TMEM150C: variants seen among roughly 807,000 people sequenced by gnomAD.
The protein encoded by TMEM150C is transmembrane protein 150C.
Under a neutral mutation model 29.9 loss-of-function variants are expected in TMEM150C, and 10 were observed. That is an observed-to-expected ratio of 0.33 (90% confidence interval 0.21 to 0.57). The LOEUF (loss-of-function observed/expected upper bound fraction) is 0.57, where lower values mean the gene tolerates loss of function less well. Among genes scored for constraint, TMEM150C ranks in the 20% least tolerant of loss-of-function variants. The probability of loss-of-function intolerance (pLI) is 0.88; values close to 1 mark genes in which losing one functional copy is unlikely to be tolerated. For synonymous variants in TMEM150C, 101 were observed against 112.5 expected (o/e 0.90, Z 0.64); for missense variants, 251 against 303.6 (o/e 0.83, Z 1.29).
chr4:82,546,672 C>T (rs1371945464), intron 1 of TMEM150C, among the ~76,000 whole-genome samples: 2 of 151,854 alleles, frequency 1.3e-5, no homozygotes, highest in Admixed American at 6.6e-5. Flanking sequence ...ACTAAAAATA[C>T]AAAAAATTAG....
chr4:82,555,507 A>C (rs747176476), intron 1 of TMEM150C, among the ~76,000 whole-genome samples: 1 of 152,218 alleles, frequency 6.6e-6, no homozygotes, highest in African/African-American at 2.4e-5. Context: ...GGCAGCAGTG[A>C]GGTCTCTTCC....
chr4:82,542,633 T>C (rs1195886522), intron 1 of TMEM150C, among the ~76,000 whole-genome samples: 1 of 152,204 alleles, frequency 6.6e-6, no homozygotes, highest in Non-Finnish European at 1.5e-5. Flanking sequence ...TTTAACATTG[T>C]CTTAAAAATT....
intron 1 of TMEM150C, among the ~76,000 whole-genome samples, chr4:82,529,254 C>T (rs1281060659): frequency 1.4e-5 from 2 of 148,076 alleles, no homozygotes; most frequent in African/African-American, 2.5e-5. Context: ...TCCCTCCCTC[C>T]CTCCCTCTCT....
intron 1 of TMEM150C, among the ~76,000 whole-genome samples, chr4:82,531,882 G>A (rs1157206738): frequency 6.6e-6 from 1 of 152,052 alleles, no homozygotes; most frequent in African/African-American, 2.4e-5. Flanking sequence ...TGTCCTTAGA[G>A]TTCAACCAGG....
intron 1 of TMEM150C, among the ~76,000 whole-genome samples, chr4:82,558,712 A>T (rs1725819392): frequency 6.6e-6 from 1 of 152,256 alleles, no homozygotes; most frequent in African/African-American, 2.4e-5. Flanking sequence ...AAGTTTTAAA[A>T]TACTTAGAAC....
chr4:82,545,509 C>T (rs1273375307), intron 1 of TMEM150C, among the ~76,000 whole-genome samples: 1 of 152,208 alleles, frequency 6.6e-6, no homozygotes, highest in African/African-American at 2.4e-5. Flanking sequence ...ACTCTTACCA[C>T]TCCTATTTGA....
intron 1 of TMEM150C, among the ~76,000 whole-genome samples, chr4:82,530,630 A>C (rs116545055): frequency 6.6e-6 from 1 of 152,174 alleles, no homozygotes; most frequent in African/African-American, 2.4e-5. Flanking sequence ...GGAATTCCTA[A>C]GTTTGTCTCC....
chr4:82,504,466 G>A (rs1448301639), intron 2 of TMEM150C, 112 bp downstream of exon 2: 2 of 732,850 alleles, frequency 2.7e-6, no homozygotes, highest in African/African-American at 3.6e-5. Context: ...CTCCCAAAGT[G>A]CTGAGATTAC....
At chr4:82,503,456 G>A (rs1027890834) in intron 2 of TMEM150C, among the ~76,000 whole-genome samples, 7 of 152,178 alleles carry the variant, frequency 4.6e-5, no homozygotes, top group Non-Finnish European at 7.3e-5. Flanking sequence ...CAAACTTTGA[G>A]AAACTAAAAT....
At chr4:82,562,186 C>T (rs949558629), upstream of TMEM150C, 8 of 1,282,196 alleles carry the variant, frequency 6.2e-6, no homozygotes, top group South Asian at 1.2e-5. Context: ...CGGGTGTGGG[C>T]GGGCGAGCCG....
At chr4:82,522,153 C>T (rs1724508554) in intron 1 of TMEM150C, among the ~76,000 whole-genome samples, 1 of 152,168 alleles carries the variant, frequency 6.6e-6, no homozygotes, top group Non-Finnish European at 1.5e-5. Context: ...TAGGAGGCTA[C>T]AGGAAGAACT....
intron 6 of TMEM150C, among the ~76,000 whole-genome samples, chr4:82,494,026 T>TTCTTGTCTA (rs559603948): frequency 7.0e-4 from 107 of 152,314 alleles, no homozygotes; most frequent in African/African-American, 2.5e-3. Flanking sequence ...GTGCTGAGGG[T>TTCTTGTCTA]AGGACAAGAA....
At chr4:82,518,096 A>T (rs1380890909) in intron 1 of TMEM150C, among the ~76,000 whole-genome samples, 2 of 152,090 alleles carry the variant, frequency 1.3e-5, no homozygotes, top group African/African-American at 4.8e-5. Flanking sequence ...CGGGCGGATC[A>T]TCTGAGGTCA....
intron 1 of TMEM150C, among the ~76,000 whole-genome samples, chr4:82,542,500 G>A (rs1282895033): frequency 6.6e-6 from 1 of 152,234 alleles, no homozygotes; most frequent in South Asian, 2.1e-4. Flanking sequence ...CCTTGTGAAA[G>A]TGAAGTGCAG....
At chr4:82,528,344 A>T (rs1439970718) in intron 1 of TMEM150C, among the ~76,000 whole-genome samples, 1 of 152,230 alleles carries the variant, frequency 6.6e-6, no homozygotes, top group Non-Finnish European at 1.5e-5. Flanking sequence ...GTTCTGGCTC[A>T]GTAGGCCCCA....
At chr4:82,551,854 G>A (rs991300296) in intron 1 of TMEM150C, among the ~76,000 whole-genome samples, 3 of 152,144 alleles carry the variant, frequency 2.0e-5, no homozygotes, top group Admixed American at 2.0e-4. Context: ...AGGCACTCTG[G>A]TATAGTTTGG....
intron 1 of TMEM150C, among the ~76,000 whole-genome samples, chr4:82,526,469 A>G (rs966504379): frequency 2.0e-5 from 3 of 152,218 alleles, no homozygotes; most frequent in African/African-American, 4.8e-5. Context: ...TGATGACAGG[A>G]TATTGGCAGC....
chr4:82,548,235 T>C (rs1049507969), intron 1 of TMEM150C, among the ~76,000 whole-genome samples: 3 of 152,176 alleles, frequency 2.0e-5, no homozygotes, highest in Non-Finnish European at 4.4e-5. Flanking sequence ...GGTACTATGC[T>C]CAGTACCTGG....
At chr4:82,547,114 A>G (rs1725409270) in intron 1 of TMEM150C, among the ~76,000 whole-genome samples, 1 of 152,138 alleles carries the variant, frequency 6.6e-6, no homozygotes, top group South Asian at 2.1e-4. Flanking sequence ...CAGACAACCT[A>G]CAGAATGGGA....
Sources: gnomAD v4.1 joint callset for allele counts (sites outside exome capture counted in the v4.1 genomes callset) on GRCh38, gnomAD v4.1.1 for gene constraint, MANE v1.5 for transcripts, NCBI Gene and HGNC (gene_info 2026-07-23, HGNC 2026-07-21) for gene names.